AGBL1: variants seen among roughly 807,000 people sequenced by gnomAD.
AGBL1 encodes the protein cytosolic carboxypeptidase 4.
In AGBL1, 130 loss-of-function variants were observed where a neutral mutation model predicts 118.9. The observed-to-expected ratio is 1.09, with a 90% confidence interval of 0.95 to 1.26. The LOEUF (loss-of-function observed/expected upper bound fraction) is 1.26. Ranked by LOEUF, AGBL1 falls within the 50% of genes most tolerant of loss-of-function variation. The pLI is 0.00. For synonymous variants in AGBL1, 555 were observed against 478.9 expected (o/e 1.16, Z -2.08); for missense variants, 1,584 against 1,298.1 (o/e 1.22, Z -3.38).
At chr15:86,607,897 G>A (rs2084600021) in intron 21 of AGBL1, among the ~76,000 whole-genome samples, 1 of 152,138 alleles carries the variant, frequency 6.6e-6, no homozygotes, top group Non-Finnish European at 1.5e-5. Context: ...TAGGCAGGCA[G>A]TGCATGGACA....
chr15:86,718,579 A>G (rs1442893835), intron 22 of AGBL1, among the ~76,000 whole-genome samples: 1 of 152,162 alleles, frequency 6.6e-6, no homozygotes, highest in African/African-American at 2.4e-5. Context: ...CAAGCAATCA[A>G]TGCAGCTTAA....
intron 7 of AGBL1, among the ~76,000 whole-genome samples, chr15:86,249,418 C>A (rs1207235794): frequency 1.3e-5 from 2 of 152,294 alleles, no homozygotes; most frequent in East Asian, 1.9e-4. Flanking sequence ...TAAACAATAA[C>A]AAAATACAGT....
At chr15:86,954,881 A>G (rs1215050851) in intron 23 of AGBL1, among the ~76,000 whole-genome samples, 1 of 152,198 alleles carries the variant, frequency 6.6e-6, no homozygotes, top group Middle Eastern at 3.2e-3. Flanking sequence ...GTTTATGGTT[A>G]TATCTTTTTT....
chr15:86,853,363 T>C (rs1376763149), intron 22 of AGBL1, among the ~76,000 whole-genome samples: 2 of 152,202 alleles, frequency 1.3e-5, no homozygotes, highest in Admixed American at 6.5e-5. Flanking sequence ...AATTACCTTA[T>C]TTTTTATATC....
intron 18 of AGBL1, among the ~76,000 whole-genome samples, chr15:86,400,925 A>G (rs971380240): frequency 2.6e-5 from 4 of 152,108 alleles, no homozygotes; most frequent in Admixed American, 2.6e-4. Context: ...TGCTGTAAAC[A>G]TGTGTGTTCA....
chr15:86,429,359 A>C (rs1427450139), intron 18 of AGBL1, among the ~76,000 whole-genome samples: 2 of 152,242 alleles, frequency 1.3e-5, no homozygotes, highest in Admixed American at 6.5e-5. Flanking sequence ...GAAAATTCCA[A>C]GACTCCACCT....
chr15:86,554,875 T>C (rs1464461819), intron 21 of AGBL1, among the ~76,000 whole-genome samples: 1 of 152,314 alleles, frequency 6.6e-6, no homozygotes, highest in East Asian at 1.9e-4. Context: ...TCTTGCCTTC[T>C]GCAACAAGTG....
intron 15 of AGBL1, among the ~76,000 whole-genome samples, chr15:86,275,498 A>C (rs1466453019): frequency 6.6e-6 from 1 of 152,230 alleles, no homozygotes; most frequent in African/African-American, 2.4e-5. Context: ...TCCATTCTCC[A>C]TCATGGCATT....
At chr15:86,811,939 A>G (rs944130005) in intron 22 of AGBL1, among the ~76,000 whole-genome samples, 17 of 152,228 alleles carry the variant, frequency 1.1e-4, no homozygotes, top group Non-Finnish European at 2.5e-4. Context: ...TCTAAGGCTC[A>G]GTTTCTTCAA....
At chr15:86,985,214 C>T (rs1302091261) in intron 23 of AGBL1, among the ~76,000 whole-genome samples, 1 of 152,100 alleles carries the variant, frequency 6.6e-6, no homozygotes, top group Non-Finnish European at 1.5e-5. Context: ...ATGTACAATG[C>T]TTTGTGTAGG....
At chr15:86,233,594 T>G (rs1193863532) in intron 6 of AGBL1, among the ~76,000 whole-genome samples, 1 of 152,144 alleles carries the variant, frequency 6.6e-6, no homozygotes, top group Non-Finnish European at 1.5e-5. Context: ...GTAAATATAC[T>G]CAAGGGACTC....
At chr15:86,590,379 G>T (rs977263345) in intron 21 of AGBL1, among the ~76,000 whole-genome samples, 1 of 152,106 alleles carries the variant, frequency 6.6e-6, no homozygotes, top group Non-Finnish European at 1.5e-5. Context: ...AGATCTGATG[G>T]TTTTATATGG....
chr15:86,846,625 G>A (rs2079323062), intron 22 of AGBL1, among the ~76,000 whole-genome samples: 1 of 152,080 alleles, frequency 6.6e-6, no homozygotes, highest in South Asian at 2.1e-4. Context: ...TCTGCCTCCC[G>A]GGTTCAAGCA....
chr15:86,696,746 T>G (rs1451029933), intron 22 of AGBL1, among the ~76,000 whole-genome samples: 2 of 151,968 alleles, frequency 1.3e-5, no homozygotes, highest in Non-Finnish European at 2.9e-5. Context: ...CAGGATTTGT[T>G]AAGAGATTTG....
At chr15:86,239,114 A>G (rs1160324810) in intron 6 of AGBL1, among the ~76,000 whole-genome samples, 1 of 152,200 alleles carries the variant, frequency 6.6e-6, no homozygotes, top group East Asian at 1.9e-4. Context: ...AAGTTATTAG[A>G]AGGAGTTGAG....
chr15:86,519,671 C>A (rs532053748), intron 18 of AGBL1, among the ~76,000 whole-genome samples: 1 of 152,294 alleles, frequency 6.6e-6, no homozygotes, highest in South Asian at 2.1e-4. Context: ...CTCTCCAAAT[C>A]ATAACCACCA....
At chr15:86,113,607 G>C (rs531921361) in intron 1 of AGBL1, among the ~76,000 whole-genome samples, 2 of 152,082 alleles carry the variant, frequency 1.3e-5, no homozygotes, top group South Asian at 4.2e-4. Context: ...TCTTTCACCT[G>C]CCTTTCAGTC....
intron 21 of AGBL1, among the ~76,000 whole-genome samples, chr15:86,598,291 T>C (rs1379250016): frequency 6.6e-6 from 1 of 152,128 alleles, no homozygotes; most frequent in African/African-American, 2.4e-5. Flanking sequence ...GACCATAGTC[T>C]TGACACTATG....
chr15:86,625,364 CG>C (rs199665305), intron 21 of AGBL1, among the ~76,000 whole-genome samples: 7 of 68,258 alleles, frequency 1.0e-4, no homozygotes, highest in African/African-American at 3.0e-4. Context: ...AAGAAATTAG[CG>C]TTTTTTTTTT....
Sources: allele counts gnomAD v4.1 joint callset (sites outside exome capture counted in the v4.1 genomes callset), GRCh38; gene constraint gnomAD v4.1.1; transcripts MANE v1.5; gene names NCBI Gene and HGNC (gene_info 2026-07-23, HGNC 2026-07-21).